EYA2: variants seen among roughly 807,000 people sequenced by gnomAD.
EYA2 encodes EYA transcriptional coactivator and phosphatase 2.
In EYA2, 31 loss-of-function variants were observed where a neutral mutation model predicts 69.2. The ratio of observed to expected loss-of-function variants is 0.45; its 90% CI spans 0.34 to 0.60. The LOEUF (loss-of-function observed/expected upper bound fraction) is 0.60, where lower values mean the gene tolerates loss of function less well. EYA2 is among the 20% of genes least tolerant of loss of function. EYA2 has a pLI of 0.02. For missense variants in EYA2, 622 were observed against 701.2 expected, an observed-to-expected ratio of 0.89 and a Z score of 1.28; for synonymous variants, 257 against 279.4, an observed-to-expected ratio of 0.92 and a Z score of 0.80.
rs143156081 is a variant in EYA2 at position 47,075,435 on chromosome 20, A to AT, written c.661+1102dup. ...GAGAGTGATAAGGAGCTTGCTAGTG[A>AT]TTGGTGGGGCTAGGATCCCAATCCC... On this transcript the variant is annotated intron_variant, in intron 7 of 15. Transcript: ENST00000327619. Among the ~76,000 whole-genome samples the AT allele has an allele frequency of 4.7e-3, 713 of 152,212 alleles. 8 individuals are homozygous for AT. Among genetic ancestry groups the AT allele is most frequent in the African/African-American group, 0.015 (616 of 41,540 alleles).
intron 11 of EYA2, among the ~76,000 whole-genome samples, chr20:47,170,752 G>A (rs1326575154): frequency 6.6e-6 from 1 of 152,014 alleles, no homozygotes; most frequent in Non-Finnish European, 1.5e-5. Context: ...GTTAATCTGT[G>A]CTCATCCAAA....
At chr20:46,902,663 T>C (rs1218316607) in intron 1 of EYA2, among the ~76,000 whole-genome samples, 3 of 152,208 alleles carry the variant, frequency 2.0e-5, no homozygotes, top group Non-Finnish European at 4.4e-5. Flanking sequence ...TTATCGATGG[T>C]TAGGTACAAA....
At chr20:46,915,240 G>A (rs1433101159) in intron 1 of EYA2, among the ~76,000 whole-genome samples, 1 of 152,190 alleles carries the variant, frequency 6.6e-6, no homozygotes, top group Non-Finnish European at 1.5e-5. Context: ...TGAAATTCCT[G>A]ACTTGGTGTG....
intron 5 of EYA2, among the ~76,000 whole-genome samples, chr20:47,069,361 G>C (rs1383653521): frequency 3.3e-5 from 5 of 152,136 alleles, no homozygotes; most frequent in African/African-American, 1.2e-4. Flanking sequence ...TGGGCATAGT[G>C]GTGGGCACCT....
chr20:47,128,889 G>C (rs933769504), intron 9 of EYA2, among the ~76,000 whole-genome samples: 9 of 152,326 alleles, frequency 5.9e-5, no homozygotes, highest in Admixed American at 1.3e-4. Flanking sequence ...TTGGGAGGCC[G>C]AGGTGGGTGG....
chr20:46,974,443 C>CTATG (rs1320182503), intron 1 of EYA2, among the ~76,000 whole-genome samples: 8 of 152,174 alleles, frequency 5.3e-5, no homozygotes. Context: ...TTGCAATGGG[C>CTATG]TATGGTTGGG....
intron 4 of EYA2, among the ~76,000 whole-genome samples, chr20:47,007,275 G>A (rs1982776084): frequency 2.0e-5 from 3 of 152,186 alleles, no homozygotes; most frequent in South Asian, 4.1e-4. Flanking sequence ...TAGGATGCAC[G>A]GCATAAAGGA....
intron 9 of EYA2, among the ~76,000 whole-genome samples, chr20:47,120,082 C>T (rs952420842): frequency 5.9e-5 from 9 of 152,190 alleles, no homozygotes; most frequent in African/African-American, 2.2e-4. Flanking sequence ...GTGGCACACA[C>T]CTGTAGACCC....
At chr20:46,949,706 A>G (rs996142551) in intron 1 of EYA2, among the ~76,000 whole-genome samples, 1 of 152,234 alleles carries the variant, frequency 6.6e-6, no homozygotes, top group Non-Finnish European at 1.5e-5. Flanking sequence ...GGACTGCTCA[A>G]GATTGGCTTA....
intron 7 of EYA2, among the ~76,000 whole-genome samples, chr20:47,083,403 C>T (rs1356934903): frequency 6.6e-6 from 1 of 151,816 alleles, no homozygotes; most frequent in Admixed American, 6.6e-5. Flanking sequence ...ATGATGAAAC[C>T]CCGTCTCTAC....
intron 1 of EYA2, among the ~76,000 whole-genome samples, chr20:46,899,091 C>T (rs559385360): frequency 7.9e-5 from 12 of 152,288 alleles, no homozygotes; most frequent in African/African-American, 2.9e-4. Context: ...ATCATTATTT[C>T]AACTTTGTTA....
intron 1 of EYA2, among the ~76,000 whole-genome samples, chr20:46,948,218 C>T (rs1182376763): frequency 6.6e-6 from 1 of 152,140 alleles, no homozygotes; most frequent in Non-Finnish European, 1.5e-5. Flanking sequence ...CAAATGCTAA[C>T]TATTTTTGGC....
intron 1 of EYA2, among the ~76,000 whole-genome samples, chr20:46,923,364 TA>T (rs1985266004): frequency 6.6e-6 from 1 of 152,080 alleles, no homozygotes; most frequent in East Asian, 1.9e-4. Flanking sequence ...GACTCTGACT[TA>T]AAAAACAAAC....
intron 5 of EYA2, among the ~76,000 whole-genome samples, chr20:47,062,193 C>G (rs1048703500): frequency 6.6e-6 from 1 of 152,232 alleles, no homozygotes. Context: ...CGGACCACCA[C>G]CCCAGGAGCA....
intron 10 of EYA2, chr20:47,161,516 G>T: frequency 2.3e-6 from 1 of 434,062 alleles, no homozygotes; most frequent in South Asian, 1.7e-5. Context: ...TCATGTCCTT[G>T]ACCAGGTGGC....
At chr20:47,058,100 C>T (rs1341758287) in intron 5 of EYA2, among the ~76,000 whole-genome samples, 4 of 109,678 alleles carry the variant, frequency 3.6e-5, no homozygotes, top group Non-Finnish European at 5.5e-5. Flanking sequence ...AAGTTAATAC[C>T]GGGTTTGGCC....
intron 1 of EYA2, among the ~76,000 whole-genome samples, chr20:46,947,055 C>A (rs907033630): frequency 6.6e-6 from 1 of 152,174 alleles, no homozygotes; most frequent in East Asian, 1.9e-4. Flanking sequence ...TGAGAAGTGG[C>A]GTCAGAGACC....
chr20:46,923,021 CCTT>C (rs763952249), intron 1 of EYA2, among the ~76,000 whole-genome samples: 9 of 152,244 alleles, frequency 5.9e-5, no homozygotes, highest in Non-Finnish European at 1.2e-4. Flanking sequence ...AAAAAAGGTA[CCTT>C]CTTCTTCAAA....
intron 13 of EYA2, 144 bp downstream of exon 13, chr20:47,180,056 G>A: frequency 6.5e-6 from 4 of 618,174 alleles, no homozygotes; most frequent in South Asian, 2.0e-5. Context: ...TTTTTGATAT[G>A]GAGTCTCACT....
Sources: allele counts gnomAD v4.1 joint callset (sites outside exome capture counted in the v4.1 genomes callset), GRCh38; gene constraint gnomAD v4.1.1; transcripts MANE v1.5; gene names NCBI Gene and HGNC (gene_info 2026-07-23, HGNC 2026-07-21).